The following PCDHA1 variants were observed in gnomAD, a reference collection of about 807,000 sequenced individuals.
The protein encoded by PCDHA1 is protocadherin alpha-1.
Under a neutral mutation model 61.3 loss-of-function variants are expected in PCDHA1, and 42 were observed. The ratio of observed to expected loss-of-function variants is 0.69; its 90% CI spans 0.54 to 0.89. PCDHA1 has a LOEUF of 0.89. Among genes scored for constraint, PCDHA1 ranks in the 40% least tolerant of loss-of-function variants. The probability of loss-of-function intolerance (pLI) is 0.00; values close to 1 mark genes in which losing one functional copy is unlikely to be tolerated. For missense variants in PCDHA1, 1,256 were observed against 1,235.3 expected, an observed-to-expected ratio of 1.02 and a Z score of -0.25; for synonymous variants, 610 against 553.8, an observed-to-expected ratio of 1.10 and a Z score of -1.43.
At chr5:140,843,610 G>A (rs1554140251) in intron 1 of PCDHA1, 2 of 1,595,980 alleles carry the variant, frequency 1.3e-6, no homozygotes, top group South Asian at 1.1e-5. Context: ...CTGGTGAGGG[G>A]CCACCGAAGA....
chr5:140,982,014 C>G lies in PCDHA1; in HGVS notation c.2454-461C>G, dbSNP rs546904836. Among the ~76,000 whole-genome samples the G allele has an allele frequency of 3.3e-5, 5 of 152,270 alleles. No individual in the cohort carries two copies. The South Asian group carries it at 1.0e-3, about 32-fold the overall frequency. ...ATAAGGTTAAGAATTAATTAGATAG[C>G]CAAATTGGAACAATACTCCAATTAT... is the stretch of plus-strand genomic sequence containing the variant. On this transcript the variant is annotated intron_variant, in intron 2 of 3. Coordinates refer to ENST00000504120, the MANE Select transcript of PCDHA1 (RefSeq NM_018900.4).
At chr5:140,981,977 G>A (rs1321410399) in intron 2 of PCDHA1, among the ~76,000 whole-genome samples, 1 of 152,128 alleles carries the variant, frequency 6.6e-6, no homozygotes, top group African/African-American at 2.4e-5. Context: ...TATAGAAAGA[G>A]TAAAATAGAA....
At chr5:140,820,227 A>T (rs1766717678) in intron 1 of PCDHA1, among the ~76,000 whole-genome samples, 1 of 152,006 alleles carries the variant, frequency 6.6e-6, no homozygotes, top group Admixed American at 6.5e-5. Context: ...AAAAGTCATG[A>T]TAATAGAGAT....
At chr5:141,004,303 T>C (rs2098161196) in intron 3 of PCDHA1, among the ~76,000 whole-genome samples, 2 of 152,178 alleles carry the variant, frequency 1.3e-5, no homozygotes, top group South Asian at 4.1e-4. Context: ...GATGTTTGTT[T>C]TATACAACAA....
intron 1 of PCDHA1, chr5:140,863,096 G>A (rs1554157719): frequency 5.2e-6 from 3 of 578,170 alleles, no homozygotes; most frequent in South Asian, 1.4e-5. Flanking sequence ...AGCACGACGA[G>A]TACCCTGGAC....
At chr5:140,917,875 T>TC (rs1459321723) in intron 1 of PCDHA1, among the ~76,000 whole-genome samples, 11 of 152,026 alleles carry the variant, frequency 7.2e-5, no homozygotes, top group Non-Finnish European at 7.4e-5. Context: ...CTATTTGGGC[T>TC]CTTTTTTTTT....
At chr5:140,898,054 A>G (rs1401215235) in intron 1 of PCDHA1, among the ~76,000 whole-genome samples, 2 of 151,638 alleles carry the variant, frequency 1.3e-5, no homozygotes, top group African/African-American at 4.8e-5. Flanking sequence ...TTTTCTTGTA[A>G]ATTTGTTTGA....
intron 1 of PCDHA1, chr5:140,854,677 A>G (rs1450428296): frequency 6.7e-6 from 1 of 150,054 alleles, no homozygotes; most frequent in African/African-American, 2.4e-5. Context: ...CATAAGACCA[A>G]TATGTCTGTT....
At chr5:140,926,118 G>C (rs927468824) in intron 1 of PCDHA1, among the ~76,000 whole-genome samples, 3 of 152,174 alleles carry the variant, frequency 2.0e-5, no homozygotes, top group African/African-American at 7.2e-5. Flanking sequence ...GTGCAGGACA[G>C]ACTTCAACCC....
chr5:140,843,314 GT>G lies in PCDHA1; in HGVS notation c.2394+54632del, dbSNP rs2150357252. 6.3e-6 allele frequency: 10 copies of G among 1,596,084 alleles called. 1 individual carries two copies. The highest frequency in any genetic ancestry group is 8.6e-6 in the Non-Finnish European group (10 of 1,165,598). ...ACCTGCGCTGACCGCCACGGCCACGGTTCTGGTGTCGCTGGTGGAGAGCGGC... is the reference window on the plus strand; with the variant it reads ...ACCTGCGCTGACCGCCACGGCCACGGTCTGGTGTCGCTGGTGGAGAGCGGC... On this transcript the variant is annotated intron_variant, in intron 1 of 3. Transcript: ENST00000504120.
rs782435531 is a variant in PCDHA1 at position 140,786,643 on chromosome 5, A to T, written c.353A>T (p.His118Leu). ...GCCGACAGGCCGCTGCAGGTTTTCCATGTGGAGGTGAAGGTGAAAGACATT... is the reference window on the plus strand; with the variant it reads ...GCCGACAGGCCGCTGCAGGTTTTCCTTGTGGAGGTGAAGGTGAAAGACATT... The part of the protein sequence containing the change: ...LIADRPLQVF[H>L]VEVKVKDIND... Residue 118 changes from histidine (H) to leucine (L), a missense_variant, in exon 1 of 4, where the codon CAT becomes CTT. Coordinates refer to ENST00000504120, the MANE Select transcript of PCDHA1 (RefSeq NM_018900.4). 4 of 1,614,244 alleles carry T rather than the reference A, an allele frequency of 2.5e-6. No homozygotes were observed. The East Asian group carries it at 8.9e-5, about 36-fold the overall frequency.
chr5:140,887,124 T>G (rs1554182893), intron 1 of PCDHA1, among the ~76,000 whole-genome samples: 2 of 151,068 alleles, frequency 1.3e-5, no homozygotes, highest in Admixed American at 6.6e-5. Flanking sequence ...TGAGACGGAG[T>G]CTCACTCTGT....
intron 1 of PCDHA1, chr5:140,835,504 T>C: frequency 1.2e-6 from 2 of 1,613,936 alleles, no homozygotes; most frequent in Non-Finnish European, 1.7e-6. Flanking sequence ...TTGATTAGCG[T>C]GTTTGACCGA....
intron 1 of PCDHA1, chr5:140,869,704 G>C: frequency 6.2e-7 from 1 of 1,613,400 alleles, no homozygotes; most frequent in Non-Finnish European, 8.5e-7. Flanking sequence ...GAAGTCTCTG[G>C]ATAGAGAGAA....
intron 1 of PCDHA1, chr5:140,821,942 C>T (rs2150112175): frequency 1.9e-6 from 3 of 1,614,132 alleles, no homozygotes; most frequent in Admixed American, 1.7e-5. Flanking sequence ...CTGGAGCTGG[C>T]GGAGCTGGTG....
At chr5:140,858,157 C>G in intron 1 of PCDHA1, 1 of 1,597,628 alleles carries the variant, frequency 6.3e-7, no homozygotes, top group Non-Finnish European at 8.6e-7. Flanking sequence ...TCGCCATCTG[C>G]GCGGTGTCCA....
chr5:140,985,096 C>A (rs1486346952), intron 3 of PCDHA1, among the ~76,000 whole-genome samples: 1 of 152,096 alleles, frequency 6.6e-6, no homozygotes, highest in Non-Finnish European at 1.5e-5. Context: ...TGCCACCAAG[C>A]CTGGCTAATT....
At chr5:140,805,202 C>A in intron 1 of PCDHA1, 1 of 1,438,200 alleles carries the variant, frequency 7.0e-7, no homozygotes, top group East Asian at 2.7e-5. Flanking sequence ...GAATAGCTAC[C>A]AAATAAACAT....
chr5:140,896,280 G>A (rs940722689), intron 1 of PCDHA1, among the ~76,000 whole-genome samples: 1 of 152,206 alleles, frequency 6.6e-6, no homozygotes, highest in South Asian at 2.1e-4. Flanking sequence ...TTGCTGGCTT[G>A]AATGGTAAGT....
Sources: gnomAD v4.1 joint callset for allele counts (sites outside exome capture counted in the v4.1 genomes callset) on GRCh38, gnomAD v4.1.1 for gene constraint, MANE v1.5 for transcripts, NCBI Gene and HGNC (gene_info 2026-07-23, HGNC 2026-07-21) for gene names.